The following FA2H variants were observed in gnomAD, a reference collection of about 807,000 sequenced individuals.
FA2H encodes fatty acid 2-hydroxylase.
FA2H carries 22 observed loss-of-function variants against 44.9 expected under a neutral mutation model. The ratio of observed to expected loss-of-function variants is 0.49; its 90% CI spans 0.35 to 0.70. FA2H has a LOEUF of 0.70. FA2H is among the 30% of genes least tolerant of loss of function. The pLI is 0.01. For missense variants in FA2H, 501 were observed against 504.9 expected (o/e 0.99, Z 0.07); for synonymous variants, 243 against 213.2 (o/e 1.14, Z -1.22).
intron 1 of FA2H, among the ~76,000 whole-genome samples, chr16:74,761,367 C>T (rs188823690): frequency 5.3e-5 from 8 of 151,820 alleles, no homozygotes; most frequent in East Asian, 3.9e-4. Context: ...ACTGGAGAAT[C>T]GCTTGGATCA....
intron 3 of FA2H, among the ~76,000 whole-genome samples, chr16:74,726,894 A>G (rs1369205315): frequency 5.9e-5 from 9 of 152,208 alleles, no homozygotes; most frequent in African/African-American, 1.9e-4. Context: ...CCCCAGGGCT[A>G]CTGACTCTAT....
chr16:74,738,224 TGAGA>T (rs957741714), intron 2 of FA2H, among the ~76,000 whole-genome samples: 1 of 151,892 alleles, frequency 6.6e-6, no homozygotes, highest in South Asian at 2.1e-4. Context: ...AGAGAGAGAA[TGAGA>T]GAGAGGTGGG....
chr16:74,755,323 G>C (rs369290714), intron 1 of FA2H, among the ~76,000 whole-genome samples: 2 of 152,182 alleles, frequency 1.3e-5, no homozygotes, highest in African/African-American at 4.8e-5. Flanking sequence ...GGGACTACAC[G>C]CATGTGCTAC....
chr16:74,746,991 G>A (rs765067159), intron 1 of FA2H, among the ~76,000 whole-genome samples: 15 of 152,066 alleles, frequency 9.9e-5, no homozygotes, highest in South Asian at 4.1e-4. Flanking sequence ...GGTTTTTCCC[G>A]GTTCTCCTCC....
intron 2 of FA2H, among the ~76,000 whole-genome samples, chr16:74,732,171 A>C (rs927176536): frequency 1.3e-5 from 2 of 152,188 alleles, no homozygotes; most frequent in Non-Finnish European, 2.9e-5. Context: ...AGCATGAGCC[A>C]CTGTGCCTGG....
At chr16:74,762,736 G>A (rs185523385) in intron 1 of FA2H, among the ~76,000 whole-genome samples, 182 of 152,124 alleles carry the variant, frequency 1.2e-3, no homozygotes, top group Non-Finnish European at 1.8e-3. Flanking sequence ...CACCATATTG[G>A]TCAGGCTGGT....
intron 1 of FA2H, among the ~76,000 whole-genome samples, chr16:74,741,786 ATATATATATATATATATATATATG>A (rs1439851457): frequency 5.9e-5 from 4 of 67,974 alleles, no homozygotes; most frequent in African/African-American, 2.5e-4. Context: ...ATATATATAT[ATATATATATATATATATATATATG>A]TGTGTGTGTG....
chr16:74,729,782 C>G (rs1025597451), intron 2 of FA2H, among the ~76,000 whole-genome samples: 3 of 152,068 alleles, frequency 2.0e-5, no homozygotes, highest in Middle Eastern at 3.4e-3. Flanking sequence ...CGGAGCCCCT[C>G]AGTGCCCTCA....
chr16:74,741,856 ATGTGTGTG>A (rs1310407237), intron 1 of FA2H, among the ~76,000 whole-genome samples: 1 of 80,380 alleles, frequency 1.2e-5, no homozygotes, highest in African/African-American at 4.7e-5. Flanking sequence ...GTATGTGTGT[ATGTGTGTG>A]TGTGTATGTG....
At position 74,755,159 on chromosome 16, in the gene FA2H, G is replaced by GTTT. The variant is rs33961030; in HGVS notation, c.271-15047_271-15045dup. On this transcript the variant is annotated intron_variant, in intron 1 of 6. Coordinates refer to ENST00000219368, the MANE Select transcript of FA2H (RefSeq NM_024306.5). The stretch of plus-strand genomic sequence containing the variant: ...TAGAAGTGTGAGAGAATACATTTGT[G>GTTT]TTTTTTTTTTTGGCAGGGCTGGGGG... 8.1e-4 allele frequency among the ~76,000 whole-genome samples: 119 copies of GTTT among 146,702 alleles called. 2 individuals are homozygous for GTTT. Among genetic ancestry groups the GTTT allele is most frequent in the Middle Eastern group, 3.5e-3 (1 of 286 alleles).
At chr16:74,750,764 T>TGTGTGTGTGTGTGTGG (rs1491020302) in intron 1 of FA2H, among the ~76,000 whole-genome samples, 1 of 91,532 alleles carries the variant, frequency 1.1e-5, no homozygotes, top group Non-Finnish European at 2.6e-5. Flanking sequence ...TTTTTCACTG[T>TGTGTGTGTGTGTGTGG]GTGTGTGTGT....
At chr16:74,725,204 T>C (rs555877065) in intron 4 of FA2H, among the ~76,000 whole-genome samples, 1 of 152,240 alleles carries the variant, frequency 6.6e-6, no homozygotes, top group South Asian at 2.1e-4. Flanking sequence ...TCATCCTGGG[T>C]CAGGTGGATA....
At chr16:74,743,832 C>T (rs761052031) in intron 1 of FA2H, among the ~76,000 whole-genome samples, 8 of 152,160 alleles carry the variant, frequency 5.3e-5, no homozygotes, top group Non-Finnish European at 7.4e-5. Flanking sequence ...GTTCTTATCA[C>T]AAGATGGGAC....
chr16:74,715,532 A>G (rs1961673673), intron 6 of FA2H, among the ~76,000 whole-genome samples: 1 of 152,170 alleles, frequency 6.6e-6, no homozygotes, highest in African/African-American at 2.4e-5. Context: ...GCTTCAAGCA[A>G]TCCCCTGCCT....
Position 74,737,900 on chromosome 16 carries a change from C to T in FA2H, c.363+2123G>A, listed in dbSNP as rs545021849. ...AGAGAGAGGGCTCAGGTTGGAGCAC[C>T]GCGGGCTCCCCCAGCCTCTCTGTTC... On this transcript the variant is annotated intron_variant, in intron 2 of 6. Coordinates refer to ENST00000219368, the MANE Select transcript of FA2H (RefSeq NM_024306.5). 2.3e-3 allele frequency among the ~76,000 whole-genome samples: 351 copies of T among 152,326 alleles called. 1 individual carries two copies. Among genetic ancestry groups the T allele is most frequent in the African/African-American group, 8.2e-3 (341 of 41,574 alleles).
intron 4 of FA2H, among the ~76,000 whole-genome samples, chr16:74,719,853 G>C (rs1347936271): frequency 6.6e-6 from 1 of 151,974 alleles, no homozygotes; most frequent in East Asian, 1.9e-4. Context: ...ACTGTGCCTG[G>C]CCTCCAGGGT....
intron 2 of FA2H, among the ~76,000 whole-genome samples, chr16:74,737,990 G>C (rs1354574149): frequency 6.6e-6 from 1 of 152,160 alleles, no homozygotes. Flanking sequence ...TTTTTGGAAA[G>C]TCAAAAGTGA....
chr16:74,726,458 G>A (rs572999271), intron 3 of FA2H, 127 bp from the exon 4 acceptor site: 12 of 639,834 alleles, frequency 1.9e-5, no homozygotes, highest in South Asian at 1.0e-4. Context: ...GCGTGATTTC[G>A]GCTCACTGCA....
intron 2 of FA2H, among the ~76,000 whole-genome samples, chr16:74,738,059 T>G (rs1194275334): frequency 6.6e-6 from 1 of 152,196 alleles, no homozygotes; most frequent in Non-Finnish European, 1.5e-5. Context: ...CTGCTCCCTG[T>G]GCTGATTTTC....
Sources: gnomAD v4.1 joint callset for allele counts (sites outside exome capture counted in the v4.1 genomes callset) on GRCh38, gnomAD v4.1.1 for gene constraint, MANE v1.5 for transcripts, NCBI Gene and HGNC (gene_info 2026-07-23, HGNC 2026-07-21) for gene names.